OTC: variants seen among roughly 807,000 people sequenced by gnomAD.
The protein encoded by OTC is ornithine transcarbamylase, mitochondrial.
Under a neutral mutation model 30.3 loss-of-function variants are expected in OTC, and 3 were observed. That is an observed-to-expected ratio of 0.10 (90% CI 0.05 to 0.26). The LOEUF (loss-of-function observed/expected upper bound fraction) is 0.26, where lower values mean the gene tolerates loss of function less well. OTC is among the 10% of genes least tolerant of loss of function. OTC has a pLI of 1.00. For missense variants in OTC, 194 were observed against 260.3 expected, an observed-to-expected ratio of 0.75 and a Z score of 1.75; for synonymous variants, 111 against 99.7, an observed-to-expected ratio of 1.11 and a Z score of -0.67.
At chrX:38,401,242 A>G (rs1465981969) in intron 4 of OTC, 33 bp from the exon 5 acceptor site, 19 of 1,102,368 alleles carry the variant, frequency 1.7e-5, no homozygotes, top group Non-Finnish European at 2.4e-5. Flanking sequence ...AAGCATAATT[A>G]TCTTAGATTA....
chrX:38,407,579 A>G (rs1441024078), intron 6 of OTC, among the ~76,000 whole-genome samples: 2 of 111,389 alleles, frequency 1.8e-5, no homozygotes. Flanking sequence ...AGGCTGGGCT[A>G]GAGTTTTGAG....
intron 4 of OTC, chrX:38,395,604 C>T (rs2068452143): frequency 6.9e-6 from 1 of 145,676 alleles, no homozygotes; most frequent in Non-Finnish European, 1.5e-5. Flanking sequence ...CTGCACACAA[C>T]ATGCTCACAG....
the OTC span, among the ~76,000 whole-genome samples, chrX:38,329,506 T>C: frequency 1.8e-5 from 2 of 111,628 alleles, no homozygotes; most frequent in Non-Finnish European, 3.8e-5. Flanking sequence ...TTCCTAGAAC[T>C]AAATCAAAAG....
chrX:38,392,209 A>G (rs1177200365), intron 4 of OTC, among the ~76,000 whole-genome samples: 2 of 112,547 alleles, frequency 1.8e-5, no homozygotes, highest in Non-Finnish European at 3.8e-5. Context: ...AGTAATTTGG[A>G]TTTTGCAAAA....
At chrX:38,397,569 T>C (rs184996172) in intron 4 of OTC, among the ~76,000 whole-genome samples, 141 of 112,319 alleles carry the variant, frequency 1.3e-3, no homozygotes, top group Non-Finnish European at 1.7e-3. Flanking sequence ...GGGACTTCTC[T>C]TGCTAGCGAC....
At chrX:38,357,974 T>C (rs951927730) in intron 1 of OTC, among the ~76,000 whole-genome samples, 1 of 111,839 alleles carries the variant, frequency 8.9e-6, no homozygotes, top group African/African-American at 3.3e-5. Flanking sequence ...CTCCCTCTTA[T>C]GTGCAGCCTG....
At chrX:38,332,548 C>T in the OTC span, among the ~76,000 whole-genome samples, 1 of 41,904 alleles carries the variant, frequency 2.4e-5, no homozygotes, top group Non-Finnish European at 4.9e-5. Context: ...TAACATAATA[C>T]TATAGTCTAT....
At chrX:38,355,761 G>T (rs1265615202) in intron 1 of OTC, among the ~76,000 whole-genome samples, 1 of 112,526 alleles carries the variant, frequency 8.9e-6, no homozygotes, top group East Asian at 2.8e-4. Context: ...CTTCAGCTGG[G>T]TGCAGTGGCT....
At chrX:38,333,490 C>T in the OTC span, among the ~76,000 whole-genome samples, 1 of 110,986 alleles carries the variant, frequency 9.0e-6, no homozygotes, top group Non-Finnish European at 1.9e-5. Context: ...CGCATGCTTT[C>T]GGTGTCGCCT....
chrX:38,385,997 G>T (rs956430527), intron 4 of OTC, among the ~76,000 whole-genome samples: 3 of 110,019 alleles, frequency 2.7e-5, no homozygotes, highest in Non-Finnish European at 5.7e-5. Context: ...TGAGGCAGGA[G>T]AATTGCTTGA....
At chrX:38,365,207 AG>A (rs1413766456) in intron 1 of OTC, among the ~76,000 whole-genome samples, 1 of 113,150 alleles carries the variant, frequency 8.8e-6, no homozygotes, top group African/African-American at 3.2e-5. Context: ...ATTAATGTTT[AG>A]TACACGTGGT....
At chrX:38,333,215 CA>C in the OTC span, among the ~76,000 whole-genome samples, 6,185 of 47,129 alleles carry the variant, frequency 0.13, 705 homozygotes, top group African/African-American at 0.35. Flanking sequence ...AACTCTGTCT[CA>C]AAAAAAAAAA....
chrX:38,369,512 TA>T (rs1389117826), intron 2 of OTC, among the ~76,000 whole-genome samples: 3 of 91,321 alleles, frequency 3.3e-5, no homozygotes, highest in South Asian at 4.4e-4. Flanking sequence ...CACTCCAGGC[TA>T]ATTTTTTTTT....
chrX:38,339,452 T>C, the OTC span, among the ~76,000 whole-genome samples: 2 of 110,251 alleles, frequency 1.8e-5, no homozygotes, highest in East Asian at 5.7e-4. Context: ...AGGTTTGTTA[T>C]ATGGGTAAAC....
chrX:38,397,647 A>G (rs2068464084), intron 4 of OTC, among the ~76,000 whole-genome samples: 1 of 111,635 alleles, frequency 9.0e-6, no homozygotes. Context: ...AGCTTATCAT[A>G]TCGTTATCCC....
At chrX:38,356,849 G>T (rs1346402415) in intron 1 of OTC, among the ~76,000 whole-genome samples, 1 of 111,714 alleles carries the variant, frequency 9.0e-6, no homozygotes, top group Non-Finnish European at 1.9e-5. Context: ...AGTGAGGAGG[G>T]TTTCAAGTAA....
At chrX:38,386,117 G>A (rs1002546296) in intron 4 of OTC, among the ~76,000 whole-genome samples, 11 of 107,307 alleles carry the variant, frequency 1.0e-4, no homozygotes, top group Non-Finnish European at 1.9e-4. Flanking sequence ...GCTCATGCCT[G>A]TAATCCCAGC....
chrX:38,360,344 A>G (rs1378069269), intron 1 of OTC, among the ~76,000 whole-genome samples: 2 of 112,090 alleles, frequency 1.8e-5, no homozygotes, highest in East Asian at 5.5e-4. Context: ...AGCACCGGGT[A>G]TATATTAGTG....
chrX:38,345,172 C>T, the OTC span, among the ~76,000 whole-genome samples: 1 of 111,992 alleles, frequency 8.9e-6, no homozygotes, highest in Non-Finnish European at 1.9e-5. Flanking sequence ...ATTGTGAAAC[C>T]GCCTTTGCAA....
Sources: gnomAD v4.1 joint callset for allele counts (sites outside exome capture counted in the v4.1 genomes callset) on GRCh38, gnomAD v4.1.1 for gene constraint, MANE v1.5 for transcripts, NCBI Gene and HGNC (gene_info 2026-07-23, HGNC 2026-07-21) for gene names.